Variants in PPP2R5E observed in about 807,000 individuals in gnomAD.
PPP2R5E encodes the protein serine/threonine-protein phosphatase 2A 56 kDa regulatory subunit epsilon isoform.
PPP2R5E carries 4 observed loss-of-function variants against 65.3 expected under a neutral mutation model. That is an observed-to-expected ratio of 0.06 (90% confidence interval 0.03 to 0.14). PPP2R5E has a LOEUF of 0.14. PPP2R5E is among the 10% of genes least tolerant of loss of function. The probability of loss-of-function intolerance (pLI) is 1.00; values close to 1 mark genes in which losing one functional copy is unlikely to be tolerated. For missense variants in PPP2R5E, 274 were observed against 556.1 expected, an observed-to-expected ratio of 0.49 and a Z score of 5.10; for synonymous variants, 183 against 187.4, an observed-to-expected ratio of 0.98 and a Z score of 0.19.
chr14:63,480,940 C>T (rs780409414), intron 2 of PPP2R5E, among the ~76,000 whole-genome samples: 5 of 152,178 alleles, frequency 3.3e-5, no homozygotes, highest in South Asian at 2.1e-4. Context: ...AACAAAGGGT[C>T]GGTTTGAGTG....
intron 5 of PPP2R5E, among the ~76,000 whole-genome samples, chr14:63,411,827 A>T (rs1354472029): frequency 6.6e-6 from 1 of 152,146 alleles, no homozygotes; most frequent in Non-Finnish European, 1.5e-5. Flanking sequence ...TACAGTCCGA[A>T]GAACAATGAA....
intron 13 of PPP2R5E, among the ~76,000 whole-genome samples, chr14:63,376,833 C>T (rs1884010467): frequency 6.6e-6 from 1 of 152,152 alleles, no homozygotes; most frequent in Non-Finnish European, 1.5e-5. Flanking sequence ...TAATTCACTA[C>T]ACTGTCTCTG....
intron 5 of PPP2R5E, among the ~76,000 whole-genome samples, chr14:63,401,541 C>T (rs1383863668): frequency 1.3e-5 from 2 of 152,060 alleles, no homozygotes; most frequent in East Asian, 1.9e-4. Context: ...GTGATTTAGC[C>T]AAATAACCTT....
intron 2 of PPP2R5E, among the ~76,000 whole-genome samples, chr14:63,516,042 G>C (rs1414676125): frequency 6.6e-6 from 1 of 151,406 alleles, no homozygotes; most frequent in Non-Finnish European, 1.5e-5. Flanking sequence ...GTAGAGATGG[G>C]CTTTCACCAT....
chr14:63,404,764 A>G (rs926258238), intron 5 of PPP2R5E, among the ~76,000 whole-genome samples: 1 of 152,162 alleles, frequency 6.6e-6, no homozygotes. Flanking sequence ...CTTTCCACAA[A>G]CCAAAGAAGT....
At chr14:63,475,393 A>G (rs1890357387) in intron 2 of PPP2R5E, among the ~76,000 whole-genome samples, 1 of 152,244 alleles carries the variant, frequency 6.6e-6, no homozygotes, top group Admixed American at 6.5e-5. Context: ...GTGTCTGGAT[A>G]TAAAGGGGCA....
intron 2 of PPP2R5E, among the ~76,000 whole-genome samples, chr14:63,500,798 T>A (rs973324676): frequency 2.0e-5 from 3 of 151,710 alleles, no homozygotes; most frequent in Non-Finnish European, 4.4e-5. Context: ...CCTGGGATTT[T>A]AAGGTGGCAG....
intron 3 of PPP2R5E, among the ~76,000 whole-genome samples, chr14:63,440,267 T>C (rs1329123277): frequency 6.6e-6 from 1 of 152,094 alleles, no homozygotes; most frequent in Admixed American, 6.5e-5. Flanking sequence ...ACTATTTACT[T>C]TTCCAGACTG....
chr14:63,479,573 A>G (rs537386032), intron 2 of PPP2R5E, among the ~76,000 whole-genome samples: 1 of 152,344 alleles, frequency 6.6e-6, no homozygotes, highest in East Asian at 1.9e-4. Flanking sequence ...AACAAAACAT[A>G]ACTTAAGTCT....
intron 2 of PPP2R5E, among the ~76,000 whole-genome samples, chr14:63,468,108 T>C (rs1889929490): frequency 6.6e-6 from 1 of 152,240 alleles, no homozygotes; most frequent in African/African-American, 2.4e-5. Flanking sequence ...TTAATGTTGT[T>C]GTTAAAAAGC....
intron 10 of PPP2R5E, 65 bp from the exon 11 acceptor site, chr14:63,389,796 A>T: frequency 7.0e-7 from 1 of 1,418,464 alleles, no homozygotes; most frequent in Non-Finnish European, 9.3e-7. Flanking sequence ...AAGAACAAGG[A>T]GGATTAATGA....
At chr14:63,393,963 TACC>T in intron 7 of PPP2R5E, 35 bp from the exon 8 acceptor site, 1 of 1,262,766 alleles carries the variant, frequency 7.9e-7, no homozygotes, top group South Asian at 1.2e-5. Context: ...TTAGCAATGT[TACC>T]ACAAGTTGAA....
chr14:63,447,146 T>C lies in PPP2R5E; in HGVS notation c.354+6543A>G, dbSNP rs569843975. Among the ~76,000 whole-genome samples, 3 of 152,308 alleles carry C rather than the reference T, an allele frequency of 2.0e-5. No individual in the cohort carries two copies. In the South Asian group the frequency reaches 6.2e-4, roughly 32 times the overall value. ...CACTGGCTTCAACTTAAGTCACCAG[T>C]GGCATTAGTTCCTAACAAGAGAGTC... is the stretch of plus-strand genomic sequence containing the variant. On this transcript the variant is annotated intron_variant, in intron 3 of 13. Coordinates refer to ENST00000337537, the MANE Select transcript of PPP2R5E (RefSeq NM_006246.5).
At chr14:63,539,489 T>C (rs778434517) in intron 2 of PPP2R5E, 40 bp downstream of exon 2, 7 of 1,586,690 alleles carry the variant, frequency 4.4e-6, no homozygotes, top group Non-Finnish European at 6.0e-6. Flanking sequence ...TGTAGAAAGA[T>C]CAATTGAAAA....
Position 63,395,231 on chromosome 14 carries a change from T to C in PPP2R5E, c.735A>G (p.Leu245=). 6.2e-7 allele frequency: 1 copy of C among 1,609,744 alleles called. No individual in the cohort carries two copies. The highest frequency in any genetic ancestry group is 8.5e-7 in the Non-Finnish European group (1 of 1,176,644). Residue 245 remains leucine, a synonymous_variant, in exon 7 of 14, where the codon TTA becomes TTG. Coordinates refer to ENST00000337537, the MANE Select transcript of PPP2R5E (RefSeq NM_006246.5). ...FNGVAELLEI[L]GSIINGFALP... is the part of the protein sequence containing the mutation. ...ATTAGAAAAACCGTGCTCACCTTCC[T>C]AATATTTCCAGCAGTTCAGCTACAC...
chr14:63,432,046 A>G (rs1217484799), intron 3 of PPP2R5E, among the ~76,000 whole-genome samples: 2 of 152,152 alleles, frequency 1.3e-5, no homozygotes, highest in Non-Finnish European at 2.9e-5. Context: ...TATCAAAAAA[A>G]AAAAAAAGCT....
chr14:63,418,389 T>C (rs1384989282), intron 4 of PPP2R5E, among the ~76,000 whole-genome samples: 4 of 152,234 alleles, frequency 2.6e-5, no homozygotes, highest in Admixed American at 2.0e-4. Flanking sequence ...TGGTCTAAAA[T>C]GTTTGGTGGA....
At chr14:63,495,458 G>A (rs1039217465) in intron 2 of PPP2R5E, among the ~76,000 whole-genome samples, 1 of 149,720 alleles carries the variant, frequency 6.7e-6, no homozygotes, top group African/African-American at 2.5e-5. Flanking sequence ...GTGGTGACCT[G>A]TAATCCCAGC....
chr14:63,433,969 T>C (rs1452114393), intron 3 of PPP2R5E, among the ~76,000 whole-genome samples: 1 of 152,248 alleles, frequency 6.6e-6, no homozygotes, highest in Non-Finnish European at 1.5e-5. Flanking sequence ...AAAATGTTAA[T>C]TTTGAGATCT....
Sources: allele counts gnomAD v4.1 joint callset (sites outside exome capture counted in the v4.1 genomes callset), GRCh38; gene constraint gnomAD v4.1.1; transcripts MANE v1.5; gene names NCBI Gene and HGNC (gene_info 2026-07-23, HGNC 2026-07-21).